Variants in MYO10 observed in about 807,000 individuals in gnomAD.
MYO10 encodes unconventional myosin-X.
In MYO10, 133 loss-of-function variants were observed where a neutral mutation model predicts 257.3. The observed-to-expected ratio is 0.52, with a 90% CI of 0.45 to 0.60. MYO10 has a LOEUF of 0.60. Ranked by LOEUF, MYO10 falls within the 20% of genes least tolerant of loss-of-function variation. The probability of loss-of-function intolerance (pLI) is 0.00; values close to 1 mark genes in which losing one functional copy is unlikely to be tolerated. For synonymous variants in MYO10, 1,104 were observed against 1,028.6 expected (o/e 1.07, Z -1.40); for missense variants, 2,399 against 2,635.7 (o/e 0.91, Z 1.97).
At chr5:16,786,425 T>C (rs1226548925) in intron 4 of MYO10, among the ~76,000 whole-genome samples, 1 of 152,202 alleles carries the variant, frequency 6.6e-6, no homozygotes, top group Non-Finnish European at 1.5e-5. Flanking sequence ...ATCTCCTATC[T>C]GAAATGCTGG....
rs758162303 is a variant in MYO10 at position 16,671,524 on chromosome 5, C to T, written c.5328G>A (p.Glu1776=). ...AKFEKLAATS[E]VGDLPWKFYF... ...AGAATTTCCATGGCAGGTCCCCAAC[C>T]TCGGATGTGGCAGCCAGCCTACAGA... Residue 1776 remains glutamate (E), a synonymous_variant, in exon 38 of 41, where the codon GAG becomes GAA. Transcript: ENST00000513610. The T allele has an allele frequency of 3.7e-6, 6 of 1,613,964 alleles. No individual in the cohort carries two copies. Among genetic ancestry groups the T allele is most frequent in the South Asian group, 3.3e-5 (3 of 91,080 alleles).
intron 2 of MYO10, among the ~76,000 whole-genome samples, chr5:16,831,902 C>T (rs1743173711): frequency 6.6e-6 from 1 of 151,998 alleles, no homozygotes; most frequent in African/African-American, 2.4e-5. Context: ...ATCAGAACTC[C>T]AATAATGTGT....
intron 2 of MYO10, among the ~76,000 whole-genome samples, chr5:16,869,185 C>T (rs1423194431): frequency 8.7e-5 from 12 of 138,502 alleles, no homozygotes; most frequent in African/African-American, 2.7e-4. Flanking sequence ...CCACCACACC[C>T]GGCTAATTTT....
At chr5:16,811,614 A>G (rs1742442931) in intron 3 of MYO10, among the ~76,000 whole-genome samples, 1 of 152,018 alleles carries the variant, frequency 6.6e-6, no homozygotes, top group African/African-American at 2.4e-5. Context: ...CAGTGACACA[A>G]TCTCGGCTCA....
chr5:16,868,009 G>A (rs1340998278), intron 2 of MYO10, among the ~76,000 whole-genome samples: 1 of 152,138 alleles, frequency 6.6e-6, no homozygotes, highest in East Asian at 1.9e-4. Flanking sequence ...TTGATGAAAT[G>A]GGCTGCAGTA....
rs1199270809 is a variant in MYO10 at position 16,662,314 on chromosome 5, C to CTTTTTTTTTTTTTTTTTTTTTTTTTTTTT, written c.*4377_*4378insAAAAAAAAAAAAAAAAAAAAAAAAAAAAA. ...AAAAGTGCTGTCTTAGATTTCTGAACTATTTTTTTTTTTTTTTTTTTTTTT... is the reference window on the plus strand; with the variant it reads ...AAAAGTGCTGTCTTAGATTTCTGAACTTTTTTTTTTTTTTTTTTTTTTTTTTTTTTATTTTTTTTTTTTTTTTTTTTTTT... On this transcript the variant is annotated 3_prime_UTR_variant, in exon 41 of 41. Transcript: ENST00000513610. 2.5e-4 allele frequency: 10 copies of CTTTTTTTTTTTTTTTTTTTTTTTTTTTTT among 39,684 alleles called. 2 individuals carry two copies. The highest frequency in any genetic ancestry group is 4.8e-4 in the Non-Finnish European group (10 of 20,968). The allele number at this position is 39,684 out of a possible 1,614,324, so 2.5% of individuals were successfully genotyped here.
intron 27 of MYO10, among the ~76,000 whole-genome samples, chr5:16,691,679 A>G (rs1737512230): frequency 6.8e-6 from 1 of 146,096 alleles, no homozygotes; most frequent in Non-Finnish European, 1.5e-5. Flanking sequence ...AGCCTCAGTG[A>G]CAGAGCGAGA....
At chr5:16,705,685 A>G (rs1369518844) in intron 21 of MYO10, among the ~76,000 whole-genome samples, 1 of 152,098 alleles carries the variant, frequency 6.6e-6, no homozygotes, top group Admixed American at 6.5e-5. Flanking sequence ...CGTTCTCCCA[A>G]TGGCACATTT....
At chr5:16,918,495 CTTTTCTTTTTTTT>C (rs1745887293) in intron 1 of MYO10, among the ~76,000 whole-genome samples, 1 of 87,258 alleles carries the variant, frequency 1.1e-5, no homozygotes, top group Non-Finnish European at 2.2e-5. Context: ...AACTATTTTT[CTTTTCTTTTTTTT>C]TTTTTTTTTT....
chr5:16,710,286 C>T, intron 21 of MYO10, among the ~76,000 whole-genome samples: 1 of 152,088 alleles, frequency 6.6e-6, no homozygotes, highest in Non-Finnish European at 1.5e-5. Flanking sequence ...TTGGCAGTTC[C>T]CTGATCCAGA....
intron 2 of MYO10, among the ~76,000 whole-genome samples, chr5:16,821,610 G>A (rs1742819336): frequency 6.6e-6 from 1 of 151,546 alleles, no homozygotes; most frequent in Non-Finnish European, 1.5e-5. Context: ...GGGACTACAG[G>A]CGCCCACCAC....
intron 2 of MYO10, among the ~76,000 whole-genome samples, chr5:16,831,686 G>C (rs906732959): frequency 4.6e-5 from 7 of 152,218 alleles, no homozygotes; most frequent in African/African-American, 1.7e-4. Flanking sequence ...ATGCAAAGGC[G>C]TAAGAATGAC....
intron 2 of MYO10, among the ~76,000 whole-genome samples, chr5:16,839,254 T>C (rs1465079708): frequency 6.6e-6 from 1 of 152,152 alleles, no homozygotes; most frequent in Non-Finnish European, 1.5e-5. Context: ...CAAGAACATC[T>C]GTGATTCATG....
chr5:16,667,495 A>G (rs964979941), intron 40 of MYO10, among the ~76,000 whole-genome samples: 3 of 152,144 alleles, frequency 2.0e-5, no homozygotes, highest in Non-Finnish European at 2.9e-5. Flanking sequence ...ATGCACAATC[A>G]AAGATCCCAC....
intron 9 of MYO10, among the ~76,000 whole-genome samples, chr5:16,776,200 C>G (rs997326013): frequency 4.6e-5 from 7 of 152,106 alleles, no homozygotes; most frequent in Non-Finnish European, 7.4e-5. Flanking sequence ...CCCCGCCTAT[C>G]CCCCAATTCT....
intron 2 of MYO10, among the ~76,000 whole-genome samples, chr5:16,858,775 C>T (rs747516015): frequency 2.0e-5 from 3 of 151,972 alleles, no homozygotes; most frequent in African/African-American, 4.8e-5. Flanking sequence ...CTGGCCAACA[C>T]GGTGAAACCC....
At position 16,887,054 on chromosome 5, in the gene MYO10, C is replaced by T. The variant is rs547440676; in HGVS notation, c.22-9347G>A. Among the ~76,000 whole-genome samples the T allele has an allele frequency of 2.6e-5, 4 of 152,194 alleles. 1 individual carries two copies. Among genetic ancestry groups the T allele is most frequent in the African/African-American group, 9.6e-5 (4 of 41,528 alleles). On this transcript the variant is annotated intron_variant, in intron 1 of 40. Transcript: ENST00000513610. ...CAGTAGGGTTGTAAACTGAGGCCTG[C>T]CTGTGCTCATTACCATAAAGTTCAC...
intron 19 of MYO10, among the ~76,000 whole-genome samples, chr5:16,722,919 A>G (rs1406255565): frequency 6.6e-6 from 1 of 152,258 alleles, no homozygotes; most frequent in African/African-American, 2.4e-5. Flanking sequence ...TATTTGGAAA[A>G]TACACACTAA....
chr5:16,711,327 T>C (rs1252660710), intron 19 of MYO10, 82 bp from the exon 20 acceptor site: 6 of 1,430,678 alleles, frequency 4.2e-6, no homozygotes, highest in Middle Eastern at 3.5e-4. Context: ...GCCACCTCCA[T>C]CATTGGTTTA....
Sources: allele counts gnomAD v4.1 joint callset (sites outside exome capture counted in the v4.1 genomes callset), GRCh38; gene constraint gnomAD v4.1.1; transcripts MANE v1.5; gene names NCBI Gene and HGNC (gene_info 2026-07-23, HGNC 2026-07-21).